Variants in METAP1 observed in about 807,000 individuals in gnomAD.
METAP1 encodes methionine aminopeptidase 1.
METAP1 carries 28 observed loss-of-function variants against 53.8 expected under a neutral mutation model. The ratio of observed to expected loss-of-function variants is 0.52; its 90% confidence interval spans 0.39 to 0.71. The LOEUF (loss-of-function observed/expected upper bound fraction) is 0.71, where lower values mean the gene tolerates loss of function less well. METAP1 is among the 30% of genes least tolerant of loss of function. The pLI is 0.00. For synonymous variants in METAP1, 181 were observed against 165.7 expected (o/e 1.09, Z -0.71); for missense variants, 389 against 479.8 (o/e 0.81, Z 1.77).
intron 9 of METAP1, among the ~76,000 whole-genome samples, chr4:99,053,180 A>G (rs541887853): frequency 6.6e-6 from 1 of 152,308 alleles, no homozygotes; most frequent in South Asian, 2.1e-4. Context: ...TCATGTTAAT[A>G]TTGATATTTG....
intron 5 of METAP1, 140 bp from the exon 6 acceptor site, chr4:99,040,903 T>C: frequency 3.5e-6 from 1 of 288,358 alleles, no homozygotes; most frequent in Non-Finnish European, 6.2e-6. Context: ...TTACATATAA[T>C]ATATTTATAT....
At chr4:99,016,786 G>C (rs924328018) in intron 1 of METAP1, among the ~76,000 whole-genome samples, 20 of 152,182 alleles carry the variant, frequency 1.3e-4, no homozygotes, top group Non-Finnish European at 5.9e-5. Context: ...TCAGTGACCT[G>C]TCTGGCCAGG....
intron 9 of METAP1, among the ~76,000 whole-genome samples, chr4:99,054,061 TAA>T (rs1487302023): frequency 6.6e-6 from 1 of 152,080 alleles, no homozygotes; most frequent in Non-Finnish European, 1.5e-5. Flanking sequence ...GGCTTCAACT[TAA>T]AGTCACAAGC....
At chr4:99,002,603 TG>T (rs1722975251) in intron 1 of METAP1, among the ~76,000 whole-genome samples, 1 of 152,202 alleles carries the variant, frequency 6.6e-6, no homozygotes, top group East Asian at 1.9e-4. Context: ...CATGTGTGTG[TG>T]GGGCACCTTA....
chr4:99,022,685 T>C (rs62325184), intron 1 of METAP1: 43,574 of 1,355,212 alleles, frequency 0.032, 843 homozygotes, highest in Non-Finnish European at 0.038. Context: ...CCAGGTGAAA[T>C]GGTGCAAGTA....
intron 9 of METAP1, among the ~76,000 whole-genome samples, chr4:99,049,949 A>G (rs1726574400): frequency 2.0e-5 from 3 of 152,104 alleles, no homozygotes; most frequent in Non-Finnish European, 2.9e-5. Flanking sequence ...TTTTAAAGCA[A>G]CTCTGTGCTT....
chr4:99,022,769 GC>G, intron 1 of METAP1: 1 of 1,601,848 alleles, frequency 6.2e-7, no homozygotes, highest in Non-Finnish European at 8.5e-7. Context: ...TAGACTGGCC[GC>G]CACACTCTTG....
At chr4:98,997,383 G>A (rs1414125407) in intron 1 of METAP1, 1 of 153,168 alleles carries the variant, frequency 6.5e-6, no homozygotes, top group Non-Finnish European at 1.5e-5. Flanking sequence ...TAGCATTACC[G>A]AACAATCTAA....
In METAP1 at chr4:99,034,243, G is replaced by A. The variant is rs1044019278; in HGVS notation, c.180G>A (p.Ala60=). 36 of 1,548,864 alleles carry A rather than the reference G, an allele frequency of 2.3e-5. No homozygotes were observed. Among genetic ancestry groups the A allele is most frequent in the Non-Finnish European group, 2.9e-5 (33 of 1,144,556 alleles). The change falls in exon 3 of 11, where the codon GCG becomes GCA. Residue 60 remains alanine, a synonymous_variant. Coordinates refer to ENST00000296411, the MANE Select transcript of METAP1 (RefSeq NM_015143.3). ...LLHKKAKDEK[A]KREVSSWTVE... is the part of the protein sequence containing the mutation. Reference sequence around the variant, plus strand: ...TCCGTCTCCCAGAAGATGAAAAGGCGAAGCGAGAAGTGTCTTCCTGGACTG... The same window carrying A: ...TCCGTCTCCCAGAAGATGAAAAGGCAAAGCGAGAAGTGTCTTCCTGGACTG...
intron 1 of METAP1, chr4:98,997,326 T>A (rs1722684970): frequency 6.5e-6 from 1 of 152,864 alleles, no homozygotes; most frequent in Non-Finnish European, 1.5e-5. Context: ...CTTGTTAGTA[T>A]AATTTGGAAA....
chr4:99,056,110 G>T (rs1013664651), intron 9 of METAP1, among the ~76,000 whole-genome samples: 1 of 151,958 alleles, frequency 6.6e-6, no homozygotes, highest in Non-Finnish European at 1.5e-5. Flanking sequence ...ACCATTCCTG[G>T]AAAGAGGAGA....
rs1727622427 is a variant in METAP1, at chr4:99,062,647, A to G, written c.*1330A>G. Reference sequence around the variant, plus strand: ...ATATAATAATGTTTTCATTACTTTTATTATTTGAATGATTTAGTAAAGTTG... The same window carrying G: ...ATATAATAATGTTTTCATTACTTTTGTTATTTGAATGATTTAGTAAAGTTG... On this transcript the variant is annotated 3_prime_UTR_variant, in exon 11 of 11. Coordinates refer to ENST00000296411, the MANE Select transcript of METAP1 (RefSeq NM_015143.3). 1 of 152,632 alleles carries G rather than the reference A, an allele frequency of 6.6e-6. No homozygotes were observed. 9.5% of individuals were successfully genotyped at this position (152,632 alleles called of 1,614,324 possible).
intron 1 of METAP1, among the ~76,000 whole-genome samples, chr4:99,000,260 A>G (rs1381051509): frequency 6.6e-6 from 1 of 152,234 alleles, no homozygotes; most frequent in Non-Finnish European, 1.5e-5. Flanking sequence ...TCCTCTGGTT[A>G]GAGGATCAGC....
chr4:99,044,109 T>C (rs1579314588), intron 7 of METAP1, among the ~76,000 whole-genome samples: 1 of 151,944 alleles, frequency 6.6e-6, no homozygotes. Context: ...TTGTATTTTT[T>C]GTAGAGATGG....
intron 9 of METAP1, among the ~76,000 whole-genome samples, chr4:99,053,440 A>G (rs1464302406): frequency 2.6e-5 from 4 of 152,020 alleles, no homozygotes; most frequent in Admixed American, 6.6e-5. Context: ...TTTAGTAGAA[A>G]TGGGATTTTA....
At chr4:99,024,744 A>G (rs746906104) in intron 1 of METAP1, among the ~76,000 whole-genome samples, 3 of 152,212 alleles carry the variant, frequency 2.0e-5, no homozygotes, top group African/African-American at 4.8e-5. Flanking sequence ...TCTTTTGGCT[A>G]ATTTGTTAGT....
chr4:99,050,086 A>G (rs1726584830), intron 9 of METAP1, among the ~76,000 whole-genome samples: 1 of 152,156 alleles, frequency 6.6e-6, no homozygotes, highest in Non-Finnish European at 1.5e-5. Context: ...CTGACGAGTA[A>G]GGATTGAAGA....
At chr4:99,002,701 C>T (rs777452282) in intron 1 of METAP1, among the ~76,000 whole-genome samples, 1 of 152,140 alleles carries the variant, frequency 6.6e-6, no homozygotes, top group African/African-American at 2.4e-5. Context: ...TCTCCAGTAA[C>T]CTGACTTATT....
At position 98,995,807 on chromosome 4, in the gene METAP1, C is replaced by G; in HGVS notation, c.54C>G (p.Ala18=). 1 of 1,546,438 alleles carries G rather than the reference C, an allele frequency of 6.5e-7. No homozygotes were observed. The highest frequency in any genetic ancestry group is 8.7e-7 in the Non-Finnish European group (1 of 1,144,572). Residue 18 remains alanine, a synonymous_variant, in exon 1 of 11, where the codon GCC becomes GCG. Coordinates refer to ENST00000296411, the MANE Select transcript of METAP1 (RefSeq NM_015143.3). ...VCETDGCSSE[A]KLQCPTCIKL... ...AGACAGACGGCTGCAGCAGTGAGGCCAAGCTCCAGTGTCCCACTTGCATCA... is the reference window on the plus strand; with the variant it reads ...AGACAGACGGCTGCAGCAGTGAGGCGAAGCTCCAGTGTCCCACTTGCATCA...
Sources: allele counts gnomAD v4.1 joint callset (sites outside exome capture counted in the v4.1 genomes callset), GRCh38; gene constraint gnomAD v4.1.1; transcripts MANE v1.5; gene names NCBI Gene and HGNC (gene_info 2026-07-23, HGNC 2026-07-21).